SEC24A: variants seen among roughly 807,000 people sequenced by gnomAD.
The protein encoded by SEC24A is protein transport protein Sec24A.
SEC24A carries 93 observed loss-of-function variants against 129.4 expected under a neutral mutation model. That is an observed-to-expected ratio of 0.72 (90% CI 0.61 to 0.85). SEC24A has a LOEUF of 0.85. SEC24A is among the 40% of genes least tolerant of loss of function. The pLI is 0.00. For synonymous variants in SEC24A, 460 were observed against 467.3 expected (o/e 0.98, Z 0.20); for missense variants, 1,264 against 1,307.4 (o/e 0.97, Z 0.51).
chr5:134,721,951 AC>A (rs995124897), intron 21 of SEC24A, among the ~76,000 whole-genome samples: 5 of 152,204 alleles, frequency 3.3e-5, no homozygotes, highest in African/African-American at 4.8e-5. Context: ...AAACAGAACT[AC>A]TGGGCTGGAT....
chr5:134,667,379 G>A (rs1276789936), intron 3 of SEC24A, among the ~76,000 whole-genome samples: 1 of 151,884 alleles, frequency 6.6e-6, no homozygotes, highest in African/African-American at 2.4e-5. Context: ...AGCCAGGCGC[G>A]GTGGCTCACA....
At position 134,674,622 on chromosome 5, in the gene SEC24A, A is replaced by T. The variant is rs1166857178; in HGVS notation, c.825A>T (p.Pro275=). The part of the protein sequence containing the change: ...EIEGGGLLAT[P]QLTNKNPKMS... ...AAGTTACCTTGTTTCTAGCAACACC[A>T]CAGCTTACTAACAAGAATCCCAAAA... is the stretch of plus-strand genomic sequence containing the variant. Residue 275 remains proline, a synonymous_variant, in exon 5 of 23, where the codon CCA becomes CCT. Transcript: ENST00000398844. 1.9e-6 allele frequency: 3 copies of T among 1,613,386 alleles called. No individual in the cohort carries two copies. The highest frequency in any genetic ancestry group is 8.5e-7 in the Non-Finnish European group (1 of 1,179,586).
chr5:134,700,624 TCAAAC>T (rs951423325), intron 15 of SEC24A, among the ~76,000 whole-genome samples: 3 of 151,960 alleles, frequency 2.0e-5, no homozygotes, highest in African/African-American at 7.2e-5. Flanking sequence ...AATCTGTTGG[TCAAAC>T]CATGAGCAAG....
Position 134,674,795 on chromosome 5 carries a change from CTT to C in SEC24A, c.978+22_978+23del. Reference sequence around the variant, plus strand: ...ACTCAGGTAAACTTTTTGGGATTTTCTTTAACCTATTTCTCCATTTGGTTTAA... The same window carrying C: ...ACTCAGGTAAACTTTTTGGGATTTTCTAACCTATTTCTCCATTTGGTTTAA... On this transcript the variant is annotated intron_variant, in intron 5 of 22. Coordinates refer to ENST00000398844, the MANE Select transcript of SEC24A (RefSeq NM_021982.3). The C allele has an allele frequency of 1.2e-6, 2 of 1,606,638 alleles. No individual in the cohort carries two copies. The highest frequency in any genetic ancestry group is 1.7e-6 in the Non-Finnish European group (2 of 1,176,140).
chr5:134,656,085 T>TC (rs1359909556), intron 1 of SEC24A, among the ~76,000 whole-genome samples: 2 of 143,200 alleles, frequency 1.4e-5, no homozygotes, highest in Non-Finnish European at 3.0e-5. Context: ...CTAAATATCT[T>TC]TTTTTTTTTT....
intron 3 of SEC24A, among the ~76,000 whole-genome samples, chr5:134,668,640 T>G (rs1750749028): frequency 6.6e-6 from 1 of 151,742 alleles, no homozygotes; most frequent in African/African-American, 2.4e-5. Context: ...GCAGGAGAAT[T>G]GCTTGAACCT....
chr5:134,706,328 C>T (rs543585622), intron 17 of SEC24A, among the ~76,000 whole-genome samples: 2 of 152,280 alleles, frequency 1.3e-5, no homozygotes, highest in African/African-American at 4.8e-5. Flanking sequence ...TGTTTGCAGC[C>T]AAATCATGTG....
chr5:134,701,376 C>T (rs1323206961), intron 15 of SEC24A: 1 of 152,082 alleles, frequency 6.6e-6, no homozygotes, highest in African/African-American at 2.4e-5. Context: ...TCTGCAGATA[C>T]CTGTTATAAA....
At chr5:134,684,094 G>T (rs1751366246) in intron 9 of SEC24A, among the ~76,000 whole-genome samples, 1 of 151,972 alleles carries the variant, frequency 6.6e-6, no homozygotes, top group South Asian at 2.1e-4. Flanking sequence ...TATGAGGTCA[G>T]GAGTTCGAGA....
intron 8 of SEC24A, among the ~76,000 whole-genome samples, chr5:134,682,040 G>A (rs898931429): frequency 2.6e-5 from 4 of 152,166 alleles, no homozygotes; most frequent in Admixed American, 6.5e-5. Context: ...TTGGGAGTTC[G>A]AGACCAGCCT....
chr5:134,657,984 T>C (rs1010213557), intron 1 of SEC24A, among the ~76,000 whole-genome samples: 1 of 152,150 alleles, frequency 6.6e-6, no homozygotes, highest in Non-Finnish European at 1.5e-5. Context: ...AATATCAACA[T>C]ATGGCTGGGC....
At chr5:134,699,208 G>T (rs1001918452) in intron 15 of SEC24A, among the ~76,000 whole-genome samples, 1 of 151,960 alleles carries the variant, frequency 6.6e-6, no homozygotes, top group Non-Finnish European at 1.5e-5. Context: ...AGGATTACAG[G>T]CATGAGCCAC....
At chr5:134,718,950 A>C (rs1212003967) in intron 20 of SEC24A, among the ~76,000 whole-genome samples, 1 of 151,540 alleles carries the variant, frequency 6.6e-6, no homozygotes, top group Admixed American at 6.6e-5. Context: ...AGCCTGGGCA[A>C]CAGAGCAAGA....
chr5:134,699,696 CTTTT>C (rs746836417), intron 15 of SEC24A, among the ~76,000 whole-genome samples: 9 of 112,708 alleles, frequency 8.0e-5, no homozygotes, highest in Middle Eastern at 5.2e-3. Flanking sequence ...TTTGTACTCT[CTTTT>C]TTTTTTTTTT....
At chr5:134,662,565 C>A (rs1750511535) in intron 2 of SEC24A, among the ~76,000 whole-genome samples, 1 of 152,132 alleles carries the variant, frequency 6.6e-6, no homozygotes, top group Non-Finnish European at 1.5e-5. Flanking sequence ...TCAATAGTTA[C>A]CTTTTTAACC....
intron 2 of SEC24A, among the ~76,000 whole-genome samples, chr5:134,663,849 C>CCTGTAAGTG (rs1449945283): frequency 6.6e-6 from 1 of 152,154 alleles, no homozygotes; most frequent in Non-Finnish European, 1.5e-5. Context: ...GTGGCTCACG[C>CCTGTAAGTG]CTGTAAGCCC....
intron 7 of SEC24A, among the ~76,000 whole-genome samples, chr5:134,677,362 A>G (rs369330230): frequency 2.6e-5 from 4 of 152,032 alleles, no homozygotes; most frequent in Non-Finnish European, 5.9e-5. Flanking sequence ...CCTTTGTCCT[A>G]AAGCTCTGTG....
At chr5:134,663,812 CATAA>C (rs1408510099) in intron 2 of SEC24A, among the ~76,000 whole-genome samples, 2 of 151,964 alleles carry the variant, frequency 1.3e-5, no homozygotes, top group African/African-American at 4.8e-5. Flanking sequence ...GTGAGAGAGA[CATAA>C]ATAAGTGCTG....
intron 6 of SEC24A, among the ~76,000 whole-genome samples, chr5:134,675,508 T>G (rs928873697): frequency 1.3e-5 from 2 of 152,192 alleles, no homozygotes; most frequent in Non-Finnish European, 2.9e-5. Flanking sequence ...AGTACAGGGA[T>G]TTGTTTCTAC....
Sources: allele counts gnomAD v4.1 joint callset (sites outside exome capture counted in the v4.1 genomes callset), GRCh38; gene constraint gnomAD v4.1.1; transcripts MANE v1.5; gene names NCBI Gene and HGNC (gene_info 2026-07-23, HGNC 2026-07-21).